Variants in MMP1 observed in about 807,000 individuals in gnomAD.
The protein encoded by MMP1 is interstitial collagenase.
Under a neutral mutation model 49.6 loss-of-function variants are expected in MMP1, and 51 were observed. The ratio of observed to expected loss-of-function variants is 1.03; its 90% CI spans 0.82 to 1.30. The LOEUF is 1.30. MMP1 is among the 50% of genes most tolerant of loss of function. The pLI is 0.00. For missense variants in MMP1, 623 were observed against 568.7 expected (o/e 1.10, Z -0.97); for synonymous variants, 230 against 196.8 (o/e 1.17, Z -1.41).
intron 1 of MMP1, 32 bp from the exon 2 acceptor site, chr11:102,797,532 G>A (rs1858234239): frequency 9.3e-6 from 15 of 1,608,882 alleles, no homozygotes; most frequent in Admixed American, 1.7e-5. Context: ...AACACTGCAT[G>A]GGAAATCTTT....
Position 102,798,065 on chromosome 11 carries a change from G to A in MMP1, c.28C>T (p.Leu10=). The change falls in exon 1 of 10, where the codon CTG becomes TTG. Residue 10 remains leucine (L), a synonymous_variant. Coordinates refer to ENST00000315274, the MANE Select transcript of MMP1 (RefSeq NM_002421.4). MHSFPPLLL[L]LFWGVVSHSF... ...TGAGACACCACACCCCAGAACAGCA[G>A]CAGCAGCAGTGGAGGAAAGCTGTGC... The A allele has an allele frequency of 1.9e-6, 3 of 1,612,530 alleles. No homozygotes were observed. The highest frequency in any genetic ancestry group is 2.5e-6 in the Non-Finnish European group (3 of 1,179,892).
In MMP1 at chr11:102,792,709, G is replaced by T; in HGVS notation, c.929C>A (p.Pro310Gln). The T allele has an allele frequency of 6.2e-7, 1 of 1,613,618 alleles. No individual in the cohort carries two copies. Among genetic ancestry groups the T allele is most frequent in the Non-Finnish European group, 8.5e-7 (1 of 1,179,652 alleles). ...AGAAATGAAATTGAGCTCAACTTCC[G>T]GGTAGAAGGGATTTGTGCGCATGTA... is the stretch of plus-strand genomic sequence containing the variant. ...RFYMRTNPFYPEVELNFISVF... is the reference protein window; with the variant it reads ...RFYMRTNPFYQEVELNFISVF... The change falls in exon 7 of 10, where the codon CCG becomes CAG. Residue 310 changes from proline to glutamine, a missense_variant. Transcript: ENST00000315274.
Position 102,797,173 on chromosome 11 carries a change from A to G in MMP1, c.351-11T>C, listed in dbSNP as rs1408141799. The G allele has an allele frequency of 1.2e-6, 2 of 1,613,772 alleles. No individual in the cohort carries two copies. Among genetic ancestry groups the G allele is most frequent in the African/African-American group, 1.3e-5 (1 of 74,928 alleles). ...GTGTAATTTTCAATCCTTAGAATGA[A>G]ACAAAATAGAGACACATTGGACATG... On this transcript the variant is annotated splice_polypyrimidine_tract_variant and intron_variant, in intron 2 of 9. Transcript: ENST00000315274.
At position 102,790,334 on chromosome 11, in the gene MMP1, C is replaced by T. The variant is rs1204072181; in HGVS notation, c.*78G>A. The T allele has an allele frequency of 2.5e-6, 2 of 798,762 alleles. No individual in the cohort carries two copies. The highest frequency in any genetic ancestry group is 1.7e-5 in the African/African-American group (1 of 58,042). 49.5% of individuals were successfully genotyped at this position (798,762 alleles called of 1,614,324 possible). ...CAGTGACTCTAGAGGTTAAAAATGACTGAGAAAATAGACAGTTCTTCAGGA... is the reference window on the plus strand; with the variant it reads ...CAGTGACTCTAGAGGTTAAAAATGATTGAGAAAATAGACAGTTCTTCAGGA... On this transcript the variant is annotated 3_prime_UTR_variant, in exon 10 of 10. Coordinates refer to ENST00000315274, the MANE Select transcript of MMP1 (RefSeq NM_002421.4).
rs768578114 is a variant in MMP1, at chr11:102,791,449, G to T, written c.1080C>A (p.Tyr360Ter). Residue 360 changes from tyrosine (Y) to a stop codon, truncating the protein, a stop_gained, in exon 8 of 10, where the codon TAC becomes TAA. Transcript: ENST00000315274. LOFTEE classifies it high-confidence loss of function. ...AVQGQNVLHG[Y>*]PKDIYSSFGF... The stretch of plus-strand genomic sequence containing the variant: ...CAAAGGAGCTGTAGATGTCCTTGGG[G>T]TATCCGTGTAGCACATTCTGTCCCT... 28 of 1,613,988 alleles carry T rather than the reference G, an allele frequency of 1.7e-5. No individual in the cohort carries two copies. The Admixed American group carries it at 3.7e-4, about 21-fold the overall frequency.
rs1565209948 is a variant in MMP1 at position 102,791,378 on chromosome 11, T to C, written c.1151A>G (p.Glu384Gly). The C allele has an allele frequency of 1.9e-6, 3 of 1,614,070 alleles. No homozygotes were observed. The highest frequency in any genetic ancestry group is 2.5e-6 in the Non-Finnish European group (3 of 1,179,896). The change falls in exon 8 of 10, where the codon GAA (glutamate) becomes GGA (glycine). Residue 384 changes from glutamate to glycine, a missense_variant. Physicochemically the swap from Glu to Gly is moderately conservative, Grantham distance 98 (BLOSUM62 -2). Transcript: ENST00000315274. ...AAAGAAGTAGGTTTTTCCAGTGTTT[T>C]CCTCAGAAAGAGCAGCATCGATATG... ...VKHIDAALSE[E>G]NTGKTYFFVA... is the part of the protein sequence containing the mutation.
chr11:102,792,695 T>C lies in MMP1; in HGVS notation c.943A>G (p.Asn315Asp), dbSNP rs767092113. Residue 315 changes from asparagine (N) to aspartate (D), a missense_variant, in exon 7 of 10, where the codon AAT becomes GAT. Coordinates refer to ENST00000315274, the MANE Select transcript of MMP1 (RefSeq NM_002421.4). ...TGTGGCCAGAAAACAGAAATGAAAT[T>C]GAGCTCAACTTCCGGGTAGAAGGGA... ...TNPFYPEVELNFISVFWPQLP... is the reference protein window; with the variant it reads ...TNPFYPEVELDFISVFWPQLP... 3.7e-6 allele frequency: 6 copies of C among 1,613,890 alleles called. No individual in the cohort carries two copies. Among genetic ancestry groups the C allele is most frequent in the Non-Finnish European group, 5.1e-6 (6 of 1,179,822 alleles).
At chr11:102,795,426 T>C (rs1278250500) in intron 5 of MMP1, 26 bp downstream of exon 5, 1 of 1,609,980 alleles carries the variant, frequency 6.2e-7, no homozygotes, top group Non-Finnish European at 8.5e-7. Context: ...CAGGCCCTTG[T>C]CCGTAATGTT....
chr11:102,792,594 A>C lies in MMP1; in HGVS notation c.1033+11T>G. 1.2e-6 allele frequency: 2 copies of C among 1,612,486 alleles called. No individual in the cohort carries two copies. Among genetic ancestry groups the C allele is most frequent in the Non-Finnish European group, 8.5e-7 (1 of 1,179,032 alleles). Reference sequence around the variant, plus strand: ...TTTATTAAAGCAGTGAAAAATAATTAGAAAGATTACCTTTGAAAAACCGGA... The same window carrying C: ...TTTATTAAAGCAGTGAAAAATAATTCGAAAGATTACCTTTGAAAAACCGGA... On this transcript the variant is annotated intron_variant, in intron 7 of 9. Transcript: ENST00000315274.
Position 102,791,483 on chromosome 11 carries a change from C to CA in MMP1, c.1045dup (p.Trp349LeufsTer24), listed in dbSNP as rs760499752. The CA allele has an allele frequency of 1.9e-6, 3 of 1,613,446 alleles. No homozygotes were observed. The highest frequency in any genetic ancestry group is 2.5e-6 in the Non-Finnish European group (3 of 1,179,726). ...TAGCACATTCTGTCCCTGAACAGCC[C>CA]AGTACTTATTCCCTGCCAATCAAGA... On this transcript the variant is annotated frameshift_variant, in exon 8 of 10. Transcript: ENST00000315274. LOFTEE classifies it high-confidence loss of function.
rs1180781414 is a variant in MMP1 at position 102,791,319 on chromosome 11, G to C, written c.1196+14C>G. Reference sequence around the variant, plus strand: ...AAGAACTGAGGCCCTAACATTCTCTGCACTTAAACTTACCTCCAGTATTTG... The same window carrying C: ...AAGAACTGAGGCCCTAACATTCTCTCCACTTAAACTTACCTCCAGTATTTG... On this transcript the variant is annotated intron_variant, in intron 8 of 9. Transcript: ENST00000315274. The C allele has an allele frequency of 1.2e-6, 2 of 1,613,472 alleles. No individual in the cohort carries two copies. Among genetic ancestry groups the C allele is most frequent in the African/African-American group, 2.7e-5 (2 of 74,910 alleles).
chr11:102,795,948 C>A (rs1858176647), intron 4 of MMP1, among the ~76,000 whole-genome samples: 1 of 152,042 alleles, frequency 6.6e-6, no homozygotes, highest in South Asian at 2.1e-4. Flanking sequence ...TAATATTTTT[C>A]TTTTTCTTTT....
At chr11:102,796,174 C>T (rs1272787140) in intron 4 of MMP1, among the ~76,000 whole-genome samples, 1 of 152,182 alleles carries the variant, frequency 6.6e-6, no homozygotes, top group East Asian at 1.9e-4. Context: ...TGGTGTCAAA[C>T]TCCTGACGTT....
At chr11:102,795,737 A>C in intron 4 of MMP1, 130 bp from the exon 5 acceptor site, 1 of 754,300 alleles carries the variant, frequency 1.3e-6, no homozygotes, top group South Asian at 2.2e-5. Flanking sequence ...AAATATATGC[A>C]TGTATATCTT....
At chr11:102,791,231 A>G (rs1303039812) in intron 8 of MMP1, 102 bp downstream of exon 8, 13 of 1,255,330 alleles carry the variant, frequency 1.0e-5, no homozygotes, top group Non-Finnish European at 1.5e-5. Context: ...GAAGGAAAGG[A>G]TGCCGGCCAA....
rs369603830 is a variant in MMP1, at chr11:102,790,397, T to G, written c.*15A>C. 6 of 1,487,494 alleles carry G rather than the reference T, an allele frequency of 4.0e-6. No homozygotes were observed. The highest frequency in any genetic ancestry group is 1.4e-5 in the African/African-American group (1 of 71,722). 92.1% of individuals were successfully genotyped at this position (1,487,494 alleles called of 1,614,324 possible). A position where few individuals can be genotyped will look rare whatever the true frequency, so the allele number is the denominator to read the frequency against. On this transcript the variant is annotated 3_prime_UTR_variant, in exon 10 of 10. Coordinates refer to ENST00000315274, the MANE Select transcript of MMP1 (RefSeq NM_002421.4). ...TGGACTCACACCATGTGTTTTCCAT[T>G]CAAATTAGTAATGTTCAATTTTTCC...
Position 102,794,680 on chromosome 11 carries a change from C to G in MMP1, c.899+494G>C, listed in dbSNP as rs938342736. Among the ~76,000 whole-genome samples, 1 of 152,144 alleles carries G rather than the reference C, an allele frequency of 6.6e-6. No individual in the cohort carries two copies. The highest frequency in any genetic ancestry group is 2.4e-5 in the African/African-American group (1 of 41,418). On this transcript the variant is annotated intron_variant, in intron 6 of 9. Coordinates refer to ENST00000315274, the MANE Select transcript of MMP1 (RefSeq NM_002421.4). This position sits in a 1 kb window ranked among gnomAD's most constrained non-coding sequence, Gnocchi z 4.3. ...TTCAAGTTAATAGGCTTTGGGAGGG[C>G]CATTTTTCCAGGATGGCAGGGGAGA...
rs185737138 is a variant in MMP1 at position 102,795,467 on chromosome 11, T to C, written c.766A>G (p.Ile256Val). 6.2e-7 allele frequency: 1 copy of C among 1,613,776 alleles called. No homozygotes were observed. The highest frequency in any genetic ancestry group is 2.2e-5 in the East Asian group (1 of 44,886). The change falls in exon 5 of 10, where the codon ATC becomes GTC. Residue 256 changes from isoleucine to valine, a missense_variant. Coordinates refer to ENST00000315274, the MANE Select transcript of MMP1 (RefSeq NM_002421.4). The stretch of plus-strand genomic sequence containing the variant: ...CCATACTCACCATATATGGCTTGGA[T>C]GCCATCAATGTCATCCTGAGCTAGC... Reference protein sequence around the residue: ...VQLAQDDIDGIQAIYGRSQNP... With the variant: ...VQLAQDDIDGVQAIYGRSQNP...
Position 102,790,528 on chromosome 11 carries a change from A to G in MMP1, c.1301-7T>C. 1 of 1,550,236 alleles carries G rather than the reference A, an allele frequency of 6.5e-7. No homozygotes were observed. Among genetic ancestry groups the G allele is most frequent in the Non-Finnish European group, 8.8e-7 (1 of 1,132,040 alleles). The stretch of plus-strand genomic sequence containing the variant: ...TGAAAGAAATAGAAAAATCCTAGAA[A>G]CAAAACAAAAGAGACTTACTACATT... On this transcript the variant is annotated splice_polypyrimidine_tract_variant and splice_region_variant and intron_variant, in intron 9 of 9. Coordinates refer to ENST00000315274, the MANE Select transcript of MMP1 (RefSeq NM_002421.4).
Sources: gnomAD v4.1 joint callset for allele counts (sites outside exome capture counted in the v4.1 genomes callset) on GRCh38, gnomAD v4.1.1 for gene constraint, Gnocchi (gnomAD v3.1) non-coding constraint, MANE v1.5 for transcripts, NCBI Gene and HGNC (gene_info 2026-07-23, HGNC 2026-07-21) for gene names.